Variants in TAFA1 observed in about 807,000 individuals in gnomAD.
TAFA1 encodes the protein TAFA chemokine like family member 1.
In TAFA1, 4 loss-of-function variants were observed where a neutral mutation model predicts 18.5. The observed-to-expected ratio is 0.22, with a 90% confidence interval of 0.11 to 0.49. TAFA1 has a LOEUF of 0.49. Ranked by LOEUF, TAFA1 falls within the 20% of genes least tolerant of loss-of-function variation. The pLI is 0.98. For synonymous variants in TAFA1, 56 were observed against 55.2 expected, an observed-to-expected ratio of 1.01 and a Z score of -0.06; for missense variants, 147 against 169.0, an observed-to-expected ratio of 0.87 and a Z score of 0.72.
intron 3 of TAFA1, among the ~76,000 whole-genome samples, chr3:68,470,864 T>C (rs147161385): frequency 3.3e-4 from 51 of 152,274 alleles, no homozygotes; most frequent in African/African-American, 1.2e-3. Context: ...AGGAGTCAAA[T>C]GTTAATCACC....
chr3:68,331,740 C>A (rs563742799), intron 2 of TAFA1, among the ~76,000 whole-genome samples: 1 of 151,452 alleles, frequency 6.6e-6, no homozygotes, highest in African/African-American at 2.4e-5. Flanking sequence ...AAAACAGATA[C>A]ACAGACCAAT....
intron 3 of TAFA1, among the ~76,000 whole-genome samples, chr3:68,463,935 A>G (rs1355785693): frequency 6.6e-6 from 1 of 152,204 alleles, no homozygotes; most frequent in Non-Finnish European, 1.5e-5. Context: ...AGTGAGCTAC[A>G]TGGATTAAAA....
At chr3:68,182,278 C>T (rs13074581) in intron 2 of TAFA1, among the ~76,000 whole-genome samples, 22,056 of 152,150 alleles carry the variant, frequency 0.14, 1,904 homozygotes, top group Middle Eastern at 0.2. Context: ...CTCAGTATTA[C>T]ATTACCAGGT....
At chr3:68,169,964 G>A (rs1377176237) in intron 2 of TAFA1, among the ~76,000 whole-genome samples, 1 of 152,086 alleles carries the variant, frequency 6.6e-6, no homozygotes, top group Admixed American at 6.6e-5. Flanking sequence ...GATAGAATAA[G>A]TACTCCCCAA....
intron 2 of TAFA1, among the ~76,000 whole-genome samples, chr3:68,329,703 C>T (rs7618788): frequency 0.076 from 11,586 of 152,210 alleles, 705 homozygotes; most frequent in African/African-American, 0.17. Flanking sequence ...GTTAACCTTA[C>T]ACTTTGGAAG....
intron 2 of TAFA1, among the ~76,000 whole-genome samples, chr3:68,102,426 T>C (rs1284299929): frequency 6.6e-6 from 1 of 152,164 alleles, no homozygotes; most frequent in Non-Finnish European, 1.5e-5. Flanking sequence ...CAATTATGTA[T>C]ATAGCAAGAT....
At chr3:68,358,609 G>T (rs2069410073) in intron 2 of TAFA1, among the ~76,000 whole-genome samples, 1 of 151,854 alleles carries the variant, frequency 6.6e-6, no homozygotes, top group Non-Finnish European at 1.5e-5. Context: ...TAGACTGATT[G>T]TCTTTCCCCC....
At chr3:68,188,245 G>A (rs193229225) in intron 2 of TAFA1, among the ~76,000 whole-genome samples, 8 of 151,830 alleles carry the variant, frequency 5.3e-5, no homozygotes, top group Admixed American at 2.0e-4. Context: ...TCCATACTGC[G>A]TAACTTTTTT....
chr3:68,147,275 C>T (rs1052527274), intron 2 of TAFA1, among the ~76,000 whole-genome samples: 7 of 152,034 alleles, frequency 4.6e-5, no homozygotes, highest in African/African-American at 1.7e-4. Context: ...GGCCAGGTAT[C>T]AGGCAACTAG....
chr3:68,123,975 G>T (rs1268488520), intron 2 of TAFA1, among the ~76,000 whole-genome samples: 3 of 144,350 alleles, frequency 2.1e-5, no homozygotes, highest in Non-Finnish European at 4.5e-5. Flanking sequence ...GTAATCTTGG[G>T]TTTTTAAAAA....
At chr3:68,509,310 TC>T (rs1418693865) in intron 3 of TAFA1, among the ~76,000 whole-genome samples, 3 of 152,034 alleles carry the variant, frequency 2.0e-5, no homozygotes, top group Non-Finnish European at 4.4e-5. Flanking sequence ...TTCATGTCCA[TC>T]CTACCCTGCG....
Position 68,369,590 on chromosome 3 carries a change from C to A in TAFA1, c.119-47690C>A, listed in dbSNP as rs564130194. ...GTCACAGTTCAAAGATGATATTGTC[C>A]TATGTAGTTTCTGAATCGTTGTTTT... On this transcript the variant is annotated intron_variant, in intron 2 of 4. Coordinates refer to ENST00000478136, the MANE Select transcript of TAFA1 (RefSeq NM_213609.4). Among the ~76,000 whole-genome samples the A allele has an allele frequency of 5.3e-5, 8 of 152,260 alleles. No homozygotes were observed. In the South Asian group the frequency reaches 1.5e-3, roughly 28 times the overall value.
intron 3 of TAFA1, among the ~76,000 whole-genome samples, chr3:68,450,786 A>C (rs1039993879): frequency 3.9e-5 from 6 of 152,228 alleles, no homozygotes; most frequent in African/African-American, 1.4e-4. Flanking sequence ...CACTTACTAC[A>C]TGACTCTAGT....
At chr3:68,473,185 G>C (rs1184441832) in intron 3 of TAFA1, among the ~76,000 whole-genome samples, 2 of 152,130 alleles carry the variant, frequency 1.3e-5, no homozygotes, top group South Asian at 4.1e-4. Context: ...ATGAACCAGA[G>C]AATAATGGCA....
At chr3:68,155,716 G>C (rs189837572) in intron 2 of TAFA1, among the ~76,000 whole-genome samples, 13 of 152,280 alleles carry the variant, frequency 8.5e-5, no homozygotes, top group Middle Eastern at 3.4e-3. Flanking sequence ...TGCTTCACAT[G>C]ATACGTGAAG....
rs569165608 is a variant in TAFA1 at position 68,010,375 on chromosome 3, G to T, written c.118+3631G>T. Reference sequence around the variant, plus strand: ...TGGAATTTGACGTGATGTTCCCCTCGTTCAGATTGCCTCACCTGGATGGCA... The same window carrying T: ...TGGAATTTGACGTGATGTTCCCCTCTTTCAGATTGCCTCACCTGGATGGCA... On this transcript the variant is annotated intron_variant, in intron 2 of 4. Transcript: ENST00000478136. 3.9e-5 allele frequency among the ~76,000 whole-genome samples: 6 copies of T among 152,260 alleles called. 1 individual carries two copies. Among genetic ancestry groups the T allele is most frequent in the African/African-American group, 1.2e-4 (5 of 41,550 alleles).
At chr3:68,183,268 T>C (rs957613081) in intron 2 of TAFA1, among the ~76,000 whole-genome samples, 1 of 152,158 alleles carries the variant, frequency 6.6e-6, no homozygotes, top group Admixed American at 6.6e-5. Flanking sequence ...TGATTCTTAA[T>C]TGGACTTCAT....
At chr3:68,217,137 C>A (rs1457644181) in intron 2 of TAFA1, among the ~76,000 whole-genome samples, 1 of 152,004 alleles carries the variant, frequency 6.6e-6, no homozygotes, top group East Asian at 1.9e-4. Flanking sequence ...ATTACCACAG[C>A]CAAGTTAACA....
intron 2 of TAFA1, among the ~76,000 whole-genome samples, chr3:68,034,519 A>G (rs1705004654): frequency 6.6e-6 from 1 of 152,164 alleles, no homozygotes; most frequent in Non-Finnish European, 1.5e-5. Context: ...CAGACTTCAT[A>G]CTCTTCAATG....
Sources: gnomAD v4.1 joint callset for allele counts (sites outside exome capture counted in the v4.1 genomes callset) on GRCh38, gnomAD v4.1.1 for gene constraint, MANE v1.5 for transcripts, NCBI Gene and HGNC (gene_info 2026-07-23, HGNC 2026-07-21) for gene names.